Variants in SEL1L2 observed in about 807,000 individuals in gnomAD.
The protein encoded by SEL1L2 is SEL1L2 adaptor subunit of SYVN1 ubiquitin ligase, also known as protein sel-1 homolog 2.
SEL1L2 carries 89 observed loss-of-function variants against 98.8 expected under a neutral mutation model. The observed-to-expected ratio is 0.90, with a 90% CI of 0.76 to 1.07. SEL1L2 has a LOEUF of 1.07. Among genes scored for constraint, SEL1L2 ranks in the 50% least tolerant of loss-of-function variants. SEL1L2 has a pLI of 0.00. For missense variants in SEL1L2, 788 were observed against 812.0 expected (o/e 0.97, Z 0.36); for synonymous variants, 262 against 278.5 (o/e 0.94, Z 0.59).
intron 5 of SEL1L2, among the ~76,000 whole-genome samples, chr20:13,888,748 C>T (rs1247398144): frequency 1.4e-5 from 2 of 139,972 alleles, no homozygotes; most frequent in African/African-American, 5.3e-5. Context: ...AAGTGATTCT[C>T]CTGCCTCAGT....
At chr20:13,987,622 A>G (rs1032365578) in intron 1 of SEL1L2, among the ~76,000 whole-genome samples, 1 of 152,086 alleles carries the variant, frequency 6.6e-6, no homozygotes, top group East Asian at 1.9e-4. Context: ...TGCTGGGATT[A>G]CAGGTGTGAG....
At chr20:13,885,439 AG>A in intron 9 of SEL1L2, 36 bp from the exon 10 acceptor site, 3 of 1,342,156 alleles carry the variant, frequency 2.2e-6, no homozygotes, top group Non-Finnish European at 2.1e-6. Context: ...TTTTAGCAGC[AG>A]TATTACTTTA....
At chr20:13,890,656 C>A (rs1600636974) in intron 5 of SEL1L2, among the ~76,000 whole-genome samples, 2 of 152,058 alleles carry the variant, frequency 1.3e-5, no homozygotes, top group East Asian at 3.9e-4. Flanking sequence ...ATGAAAGGAA[C>A]AAAATATCCT....
intron 2 of SEL1L2, among the ~76,000 whole-genome samples, chr20:13,932,431 TA>T (rs2049186358): frequency 1.3e-5 from 2 of 149,274 alleles, no homozygotes; most frequent in African/African-American, 2.4e-5. Flanking sequence ...TTATTATTAT[TA>T]TTATTATTAT....
intron 2 of SEL1L2, among the ~76,000 whole-genome samples, chr20:13,942,457 C>T (rs1252003758): frequency 6.6e-6 from 1 of 152,120 alleles, no homozygotes; most frequent in Non-Finnish European, 1.5e-5. Flanking sequence ...ATTATCTGCT[C>T]CACCTGAGGT....
rs549649098 is a variant in SEL1L2, at chr20:13,979,674, T to G, written c.58+10803A>C. On this transcript the variant is annotated intron_variant, in intron 1 of 19. Coordinates refer to ENST00000284951, the MANE Select transcript of SEL1L2 (RefSeq NM_025229.2). ...CACAATGGAAGAAAATTTAATCTAG[T>G]TACTTACAAATAAACCCAGTCACTT... 5.7e-4 allele frequency among the ~76,000 whole-genome samples: 87 copies of G among 152,288 alleles called. 2 individuals carry two copies. In the South Asian group the frequency reaches 0.01, roughly 18 times the overall value.
chr20:13,858,374 AC>A (rs1173736802), intron 18 of SEL1L2, among the ~76,000 whole-genome samples: 3 of 151,934 alleles, frequency 2.0e-5, no homozygotes, highest in Non-Finnish European at 4.4e-5. Flanking sequence ...CCACTCTTTC[AC>A]CAAAAAACAG....
intron 1 of SEL1L2, among the ~76,000 whole-genome samples, chr20:13,983,045 A>AAAAAAAAAAAAAAAAAAAAAC (rs1431339711): frequency 3.4e-5 from 5 of 145,370 alleles, no homozygotes; most frequent in Non-Finnish European, 6.0e-5. Context: ...AAAAAAAAAA[A>AAAAAAAAAAAAAAAAAAAAAC]AAAGCAGCAG....
chr20:13,893,110 A>G (rs1330368332), intron 5 of SEL1L2, among the ~76,000 whole-genome samples: 1 of 152,158 alleles, frequency 6.6e-6, no homozygotes, highest in East Asian at 1.9e-4. Context: ...ATTAAGACAG[A>G]CTGGTGAAAT....
chr20:13,961,715 G>T (rs1226040053), intron 1 of SEL1L2, among the ~76,000 whole-genome samples: 1 of 152,168 alleles, frequency 6.6e-6, no homozygotes, highest in Admixed American at 6.5e-5. Context: ...GCAGAGCCAA[G>T]CCCAGAGGGT....
chr20:13,950,021 G>A (rs2050193679), intron 2 of SEL1L2, among the ~76,000 whole-genome samples: 1 of 152,146 alleles, frequency 6.6e-6, no homozygotes, highest in African/African-American at 2.4e-5. Flanking sequence ...AGGAAATTCT[G>A]ACACATGTAT....
chr20:13,884,682 T>G (rs1054564411), intron 10 of SEL1L2, among the ~76,000 whole-genome samples: 2 of 151,656 alleles, frequency 1.3e-5, no homozygotes, highest in African/African-American at 4.8e-5. Flanking sequence ...TAATTTTTTG[T>G]AATTTTAGTA....
intron 1 of SEL1L2, among the ~76,000 whole-genome samples, chr20:13,978,680 A>G (rs988072557): frequency 1.1e-4 from 17 of 152,190 alleles, no homozygotes; most frequent in South Asian, 6.2e-4. Flanking sequence ...CAACAGATAA[A>G]CGAAAATATA....
At chr20:13,896,517 C>CAAA (rs1471511478) in intron 5 of SEL1L2, among the ~76,000 whole-genome samples, 1 of 147,596 alleles carries the variant, frequency 6.8e-6, no homozygotes, top group Non-Finnish European at 1.5e-5. Flanking sequence ...CCCCCCCCCC[C>CAAA]CACACACAAA....
chr20:13,854,740 A>C (rs1450907936), intron 18 of SEL1L2, among the ~76,000 whole-genome samples: 1 of 152,206 alleles, frequency 6.6e-6, no homozygotes, highest in East Asian at 1.9e-4. Context: ...ATGATGGTTT[A>C]GAAGTAGATA....
intron 1 of SEL1L2, among the ~76,000 whole-genome samples, chr20:13,968,009 G>A (rs990008649): frequency 6.6e-6 from 1 of 152,124 alleles, no homozygotes; most frequent in Non-Finnish European, 1.5e-5. Context: ...TAGGCTAATG[G>A]CTTAGTTATA....
At position 13,886,357 on chromosome 20, in the gene SEL1L2, A is replaced by C; in HGVS notation, c.831T>G (p.Ser277Arg). 5 of 1,613,506 alleles carry C rather than the reference A, an allele frequency of 3.1e-6. No individual in the cohort carries two copies. The highest frequency in any genetic ancestry group is 4.2e-6 in the Non-Finnish European group (5 of 1,179,506). Residue 277 changes from serine to arginine, a missense_variant, in exon 9 of 20, where the codon AGT becomes AGG. Coordinates refer to ENST00000284951, the MANE Select transcript of SEL1L2 (RefSeq NM_025229.2). Reference sequence around the variant, plus strand: ...GGTATATGTCCCAATCCAAAATCTCACTGTTAGAACTCAGATTTTCAGGTC... The same window carrying C: ...GGTATATGTCCCAATCCAAAATCTCCCTGTTAGAACTCAGATTTTCAGGTC... ...TERPENLSSN[S>R]EILDWDIYQY...
At chr20:13,904,857 A>G (rs1209705316) in intron 5 of SEL1L2, among the ~76,000 whole-genome samples, 1 of 152,236 alleles carries the variant, frequency 6.6e-6, no homozygotes, top group Non-Finnish European at 1.5e-5. Context: ...TTTAAATAAG[A>G]AAATAAAGAT....
At chr20:13,934,564 C>T (rs182744010) in intron 2 of SEL1L2, among the ~76,000 whole-genome samples, 1 of 137,732 alleles carries the variant, frequency 7.3e-6, no homozygotes, top group Non-Finnish European at 1.5e-5. Context: ...GTGAATTCTG[C>T]TGCTATAAGC....
Sources: allele counts gnomAD v4.1 joint callset (sites outside exome capture counted in the v4.1 genomes callset), GRCh38; gene constraint gnomAD v4.1.1; transcripts MANE v1.5; gene names NCBI Gene and HGNC (gene_info 2026-07-23, HGNC 2026-07-21).